The following DPYD variants were observed in gnomAD, a reference collection of about 807,000 sequenced individuals.
DPYD encodes the protein dihydropyrimidine dehydrogenase [NADP(+)].
DPYD carries 109 observed loss-of-function variants against 116.2 expected under a neutral mutation model. That is an observed-to-expected ratio of 0.94 (90% CI 0.80 to 1.10). The LOEUF is 1.10. Ranked by LOEUF, DPYD falls within the 50% of genes least tolerant of loss-of-function variation. DPYD has a pLI of 0.00. For synonymous variants in DPYD, 440 were observed against 432.0 expected, an observed-to-expected ratio of 1.02 and a Z score of -0.23; for missense variants, 1,302 against 1,254.5, an observed-to-expected ratio of 1.04 and a Z score of -0.57.
At chr1:97,841,579 G>A (rs1670037404) in intron 2 of DPYD, among the ~76,000 whole-genome samples, 1 of 151,954 alleles carries the variant, frequency 6.6e-6, no homozygotes, top group Admixed American at 6.6e-5. Context: ...TGCTATGACA[G>A]CTCAAGAATG....
chr1:97,405,143 T>C (rs1308698834), intron 14 of DPYD, among the ~76,000 whole-genome samples: 1 of 152,144 alleles, frequency 6.6e-6, no homozygotes, highest in Non-Finnish European at 1.5e-5. Flanking sequence ...TAGGTATACA[T>C]AAGCACATAT....
chr1:97,225,796 A>G (rs761406810), intron 19 of DPYD, among the ~76,000 whole-genome samples: 1 of 152,058 alleles, frequency 6.6e-6, no homozygotes, highest in African/African-American at 2.4e-5. Context: ...GCCAAGGCCA[A>G]TGTCTAGGAG....
chr1:97,769,570 C>T (rs1666043568), intron 3 of DPYD, among the ~76,000 whole-genome samples: 1 of 152,092 alleles, frequency 6.6e-6, no homozygotes, highest in South Asian at 2.1e-4. Context: ...GACAAGATCT[C>T]AGAACTAGCC....
intron 20 of DPYD, among the ~76,000 whole-genome samples, chr1:97,168,707 A>T (rs1418089652): frequency 1.3e-5 from 2 of 152,120 alleles, no homozygotes. Context: ...TATATTCTAG[A>T]TGACCAAATT....
In DPYD at chr1:97,223,517, GTAATGAATTGTAATGGCAGTAT is replaced by G. The variant is rs544702897; in HGVS notation, c.2442+11313_2442+11334del. Among the ~76,000 whole-genome samples, 1,380 of 151,820 alleles carry G rather than the reference GTAATGAATTGTAATGGCAGTAT, an allele frequency of 9.1e-3. 13 individuals are homozygous for G. The highest frequency in any genetic ancestry group is 0.037 in the Middle Eastern group (11 of 294). On this transcript the variant is annotated intron_variant, in intron 19 of 22. Coordinates refer to ENST00000370192, the MANE Select transcript of DPYD (RefSeq NM_000110.4). Reference sequence around the variant, plus strand: ...GACTTTCTGAATCAAAGTCCTTAAGGTAATGAATTGTAATGGCAGTATCATTAAATTAAATTAAATTATAGAA... The same window carrying G: ...GACTTTCTGAATCAAAGTCCTTAAGGCATTAAATTAAATTAAATTATAGAA...
At chr1:97,647,115 T>A (rs555045923) in intron 8 of DPYD, among the ~76,000 whole-genome samples, 1 of 152,220 alleles carries the variant, frequency 6.6e-6, no homozygotes, top group Admixed American at 6.6e-5. Flanking sequence ...TACATCAGAA[T>A]ATACCACTTG....
chr1:97,770,372 T>C (rs920559551), intron 3 of DPYD, among the ~76,000 whole-genome samples: 24 of 152,262 alleles, frequency 1.6e-4, no homozygotes, highest in Middle Eastern at 3.4e-3. Context: ...TGCCCAATGT[T>C]TTTCAATAAA....
intron 2 of DPYD, 104 bp from the exon 3 acceptor site, chr1:97,828,300 T>A (rs1669348100): frequency 2.1e-6 from 2 of 965,362 alleles, no homozygotes; most frequent in Admixed American, 2.0e-5. Context: ...CATGGACTCA[T>A]GAAAAATATG....
intron 8 of DPYD, among the ~76,000 whole-genome samples, chr1:97,646,700 A>G (rs1181071287): frequency 6.6e-6 from 1 of 151,954 alleles, no homozygotes; most frequent in Non-Finnish European, 1.5e-5. Flanking sequence ...ATGCCATGAG[A>G]ATATCTTATT....
At position 97,464,306 on chromosome 1, in the gene DPYD, T is replaced by C. The variant is rs184628537; in HGVS notation, c.1741-14083A>G. 8.2e-5 allele frequency among the ~76,000 whole-genome samples: 12 copies of C among 145,566 alleles called. No individual in the cohort carries two copies. The East Asian group carries it at 2.3e-3, about 28-fold the overall frequency. On this transcript the variant is annotated intron_variant, in intron 13 of 22. Transcript: ENST00000370192. ...AATAAAGAAAAGAAAATTTTCAACC[T>C]GGCAATGAGATAAAAAAGAAAATCC...
At chr1:97,637,779 A>C (rs1657657314) in intron 8 of DPYD, among the ~76,000 whole-genome samples, 1 of 152,098 alleles carries the variant, frequency 6.6e-6, no homozygotes, top group Non-Finnish European at 1.5e-5. Flanking sequence ...TTTACTATAC[A>C]TCTCTTTTCC....
chr1:97,565,694 A>G (rs1234599725), intron 11 of DPYD, among the ~76,000 whole-genome samples: 1 of 152,182 alleles, frequency 6.6e-6, no homozygotes, highest in African/African-American at 2.4e-5. Flanking sequence ...ATGTATTTAC[A>G]TGTCTATTTC....
At chr1:97,705,726 T>C (rs1661906280) in intron 5 of DPYD, among the ~76,000 whole-genome samples, 1 of 152,128 alleles carries the variant, frequency 6.6e-6, no homozygotes, top group Admixed American at 6.6e-5. Flanking sequence ...TCCACAATGG[T>C]TGAACTAGTT....
At chr1:97,092,528 A>C (rs1283745172) in intron 21 of DPYD, among the ~76,000 whole-genome samples, 3 of 152,068 alleles carry the variant, frequency 2.0e-5, no homozygotes, top group Non-Finnish European at 4.4e-5. Flanking sequence ...TCACTTCTTC[A>C]CATTTGTTCC....
chr1:97,474,237 T>C (rs1426434288), intron 13 of DPYD, among the ~76,000 whole-genome samples: 1 of 152,124 alleles, frequency 6.6e-6, no homozygotes, highest in East Asian at 1.9e-4. Context: ...CGATGAACAA[T>C]GTTGTTTACC....
chr1:97,739,009 T>C (rs1664112118), intron 4 of DPYD, among the ~76,000 whole-genome samples: 2 of 152,108 alleles, frequency 1.3e-5, no homozygotes, highest in Admixed American at 1.3e-4. Flanking sequence ...TGGGGTAGCA[T>C]GGATCTTGTA....
At chr1:97,494,967 G>A (rs1030380778) in intron 13 of DPYD, among the ~76,000 whole-genome samples, 2 of 152,104 alleles carry the variant, frequency 1.3e-5, no homozygotes, top group Non-Finnish European at 2.9e-5. Flanking sequence ...ACTGTGCATG[G>A]CACCCTCAGG....
At chr1:97,282,472 T>C (rs972305885) in intron 18 of DPYD, among the ~76,000 whole-genome samples, 8 of 152,086 alleles carry the variant, frequency 5.3e-5, no homozygotes, top group Admixed American at 2.6e-4. Context: ...ATGACTCTAA[T>C]AGACAAAAGC....
chr1:97,168,806 T>A (rs941426282), intron 20 of DPYD, among the ~76,000 whole-genome samples: 1 of 152,068 alleles, frequency 6.6e-6, no homozygotes, highest in Non-Finnish European at 1.5e-5. Context: ...CACCTGACTA[T>A]GCTTGCTCAT....
Sources: gnomAD v4.1 joint callset for allele counts (sites outside exome capture counted in the v4.1 genomes callset) on GRCh38, gnomAD v4.1.1 for gene constraint, MANE v1.5 for transcripts, NCBI Gene and HGNC (gene_info 2026-07-23, HGNC 2026-07-21) for gene names.